Variants in ERC2 observed in about 807,000 individuals in gnomAD.
The protein encoded by ERC2 is ERC protein 2.
A neutral mutation model predicts 114.8 loss-of-function variants in ERC2; 42 were observed. The observed-to-expected ratio is 0.37, with a 90% CI of 0.29 to 0.47. The LOEUF is 0.47. ERC2 is among the 20% of genes least tolerant of loss of function. ERC2 has a pLI of 0.99. For synonymous variants in ERC2, 454 were observed against 425.5 expected (o/e 1.07, Z -0.82); for missense variants, 939 against 1,150.7 (o/e 0.82, Z 2.66).
chr3:55,588,373 A>C (rs1177971304), intron 17 of ERC2, among the ~76,000 whole-genome samples: 1 of 152,138 alleles, frequency 6.6e-6, no homozygotes, highest in Admixed American at 6.5e-5. Context: ...TTTTTCCAAG[A>C]GAAGGAACAA....
chr3:55,608,301 C>A (rs2058732361), intron 17 of ERC2, among the ~76,000 whole-genome samples: 1 of 152,188 alleles, frequency 6.6e-6, no homozygotes, highest in African/African-American at 2.4e-5. Flanking sequence ...GCTTCTTAAC[C>A]TATGACAACA....
intron 15 of ERC2, among the ~76,000 whole-genome samples, chr3:55,732,955 C>T (rs761733653): frequency 2.6e-5 from 4 of 152,092 alleles, no homozygotes; most frequent in South Asian, 2.1e-4. Flanking sequence ...CCCCCAATGA[C>T]GGGGGCAAGT....
intron 14 of ERC2, among the ~76,000 whole-genome samples, chr3:55,881,331 T>C (rs2149305343): frequency 6.6e-6 from 1 of 152,248 alleles, no homozygotes; most frequent in South Asian, 2.1e-4. Context: ...TGAGGCTATC[T>C]GGAGAAGACG....
intron 12 of ERC2, among the ~76,000 whole-genome samples, chr3:55,955,491 G>A (rs1362125685): frequency 1.3e-5 from 2 of 151,926 alleles, no homozygotes; most frequent in African/African-American, 2.4e-5. Flanking sequence ...GAATCATATC[G>A]TACATAACCT....
In ERC2 at chr3:55,683,827, G is replaced by T. The variant is rs933185131; in HGVS notation, c.*6C>A. On this transcript the variant is annotated 3_prime_UTR_variant, in exon 17 of 18. Coordinates refer to ENST00000288221, the MANE Select transcript of ERC2 (RefSeq NM_015576.3). ...ACAAAACTGGAACTTTGGTTTACAG[G>T]CCCGGCTATGCCCATATGCCCTCCT... 1.4e-5 allele frequency: 22 copies of T among 1,612,098 alleles called. No homozygotes were observed. Among genetic ancestry groups the T allele is most frequent in the East Asian group, 2.2e-5 (1 of 44,728 alleles).
chr3:55,598,134 G>A (rs1245996059), intron 17 of ERC2, among the ~76,000 whole-genome samples: 1 of 152,198 alleles, frequency 6.6e-6, no homozygotes, highest in Non-Finnish European at 1.5e-5. Flanking sequence ...ACTTGCAAAT[G>A]TCTTTTTCAG....
chr3:56,454,249 T>C (rs1378959529), intron 1 of ERC2, among the ~76,000 whole-genome samples: 1 of 152,180 alleles, frequency 6.6e-6, no homozygotes, highest in Non-Finnish European at 1.5e-5. Flanking sequence ...GAGTCCAAAT[T>C]CCAGTTTCTC....
At position 56,325,363 on chromosome 3, in the gene ERC2, A is replaced by G. The variant is rs1423437665; in HGVS notation, c.658-28928T>C. 3.9e-5 allele frequency among the ~76,000 whole-genome samples: 6 copies of G among 151,950 alleles called. No individual in the cohort carries two copies. The East Asian group carries it at 7.8e-4, about 20-fold the overall frequency. ...TGGGAGGCTGAGACAGGAGAATGGC[A>G]TGAACCCAGGAGGCAGAGCTTGCAG... On this transcript the variant is annotated intron_variant, in intron 2 of 17. Transcript: ENST00000288221.
At chr3:56,335,581 C>T (rs1236291575) in intron 2 of ERC2, among the ~76,000 whole-genome samples, 8 of 152,070 alleles carry the variant, frequency 5.3e-5, no homozygotes, top group Admixed American at 4.6e-4. Context: ...AATGCAATAT[C>T]GTGGGCAGGA....
chr3:55,706,370 G>C (rs934056098), intron 15 of ERC2, among the ~76,000 whole-genome samples: 8 of 103,470 alleles, frequency 7.7e-5, no homozygotes, highest in Non-Finnish European at 1.7e-4. Context: ...TGTTTTGTTT[G>C]TTTCTGTTTT....
intron 17 of ERC2, among the ~76,000 whole-genome samples, chr3:55,550,860 C>T (rs188759837): frequency 6.6e-6 from 1 of 151,754 alleles, no homozygotes; most frequent in Non-Finnish European, 1.5e-5. Flanking sequence ...ACTAAAAATA[C>T]AAAAAATTAG....
intron 3 of ERC2, among the ~76,000 whole-genome samples, chr3:56,282,495 T>C (rs1160413421): frequency 6.6e-6 from 1 of 152,176 alleles, no homozygotes; most frequent in African/African-American, 2.4e-5. Flanking sequence ...AAACAATAGA[T>C]GGTATGCTGG....
intron 17 of ERC2, among the ~76,000 whole-genome samples, chr3:55,641,835 A>G (rs1575894465): frequency 6.6e-6 from 1 of 152,156 alleles, no homozygotes; most frequent in Non-Finnish European, 1.5e-5. Context: ...CCATCTAGCC[A>G]TCTTTTCCAT....
At chr3:55,932,855 A>G (rs1172942624) in intron 13 of ERC2, among the ~76,000 whole-genome samples, 1 of 152,234 alleles carries the variant, frequency 6.6e-6, no homozygotes, top group Admixed American at 6.5e-5. Context: ...GCCATGAAAA[A>G]AAGAAGGCAA....
At position 56,049,818 on chromosome 3, in the gene ERC2, A is replaced by ATGTGTGTGTG. The variant is rs3052672; in HGVS notation, c.1642-30797_1642-30788dup. 2.6e-3 allele frequency among the ~76,000 whole-genome samples: 382 copies of ATGTGTGTGTG among 145,306 alleles called. 2 individuals are homozygous for ATGTGTGTGTG. The highest frequency in any genetic ancestry group is 9.4e-3 in the African/African-American group (367 of 38,912). On this transcript the variant is annotated intron_variant, in intron 7 of 17. Coordinates refer to ENST00000288221, the MANE Select transcript of ERC2 (RefSeq NM_015576.3). ...GCTACTTAATAAACTCCCATCATAT[A>ATGTGTGTGTG]TGTGTGTGTGTGTGTGTGTGTGTGT...
chr3:56,352,212 A>C (rs1303732928), intron 2 of ERC2, among the ~76,000 whole-genome samples: 1 of 152,258 alleles, frequency 6.6e-6, no homozygotes, highest in African/African-American at 2.4e-5. Flanking sequence ...TTTAGACTGG[A>C]GGCAGGTCAA....
chr3:56,155,466 T>C (rs2081656304), intron 4 of ERC2, among the ~76,000 whole-genome samples: 1 of 152,140 alleles, frequency 6.6e-6, no homozygotes, highest in Admixed American at 6.6e-5. Context: ...TAACATCATT[T>C]GAACAGCTAT....
intron 2 of ERC2, among the ~76,000 whole-genome samples, chr3:56,426,047 AAGG>A (rs2061559165): frequency 6.6e-6 from 1 of 152,194 alleles, no homozygotes; most frequent in Admixed American, 6.5e-5. Flanking sequence ...AGAATTTGGG[AAGG>A]AGAACTGCTG....
Position 56,350,011 on chromosome 3 carries a change from C to T in ERC2, c.658-53576G>A, listed in dbSNP as rs549463557. Among the ~76,000 whole-genome samples, 52 of 152,078 alleles carry T rather than the reference C, an allele frequency of 3.4e-4. 1 individual carries two copies. In the South Asian group the frequency reaches 0.01, roughly 30 times the overall value. On this transcript the variant is annotated intron_variant, in intron 2 of 17. Transcript: ENST00000288221. ...GTACACCCCTGTGACATGCAATATGCCTATAGAACAAACAGGCACATATAC... is the reference window on the plus strand; with the variant it reads ...GTACACCCCTGTGACATGCAATATGTCTATAGAACAAACAGGCACATATAC...
Sources: gnomAD v4.1 joint callset for allele counts (sites outside exome capture counted in the v4.1 genomes callset) on GRCh38, gnomAD v4.1.1 for gene constraint, MANE v1.5 for transcripts, NCBI Gene and HGNC (gene_info 2026-07-23, HGNC 2026-07-21) for gene names.